The following GGNBP2 variants were observed in gnomAD, a reference collection of about 807,000 sequenced individuals.
GGNBP2 encodes the protein gametogenetin binding protein 2.
GGNBP2 carries 10 observed loss-of-function variants against 85.9 expected under a neutral mutation model. The ratio of observed to expected loss-of-function variants is 0.12; its 90% CI spans 0.07 to 0.20. The LOEUF is 0.20. Ranked by LOEUF, GGNBP2 falls within the 10% of genes least tolerant of loss-of-function variation. The pLI, the probability that GGNBP2 is intolerant of heterozygous loss-of-function variation, is 1.00. For missense variants in GGNBP2, 595 were observed against 857.8 expected (o/e 0.69, Z 3.83); for synonymous variants, 287 against 285.7 (o/e 1.00, Z -0.05).
Position 36,578,109 on chromosome 17 carries a change from A to G in GGNBP2, c.768A>G (p.Glu256=). The G allele has an allele frequency of 6.2e-7, 1 of 1,614,172 alleles. No homozygotes were observed. The highest frequency in any genetic ancestry group is 2.2e-5 in the East Asian group (1 of 44,884). The stretch of plus-strand genomic sequence containing the variant: ...AAGGCTTGCGGTGCTGTCCACATGA[A>G]CGACACATACATGTTTGCTGTGAAA... ...LYEGLRCCPH[E]RHIHVCCETD... is the part of the protein sequence containing the mutation. Residue 256 remains glutamate (E), a synonymous_variant, in exon 7 of 14, where the codon GAA becomes GAG. Coordinates refer to ENST00000613102, the MANE Select transcript of GGNBP2 (RefSeq NM_024835.5).
At chr17:36,565,864 C>T (rs1192563044) in intron 5 of GGNBP2, among the ~76,000 whole-genome samples, 1 of 152,112 alleles carries the variant, frequency 6.6e-6, no homozygotes, top group Non-Finnish European at 1.5e-5. Flanking sequence ...CCACTGCACT[C>T]CAGCTTGGGC....
intron 4 of GGNBP2, among the ~76,000 whole-genome samples, chr17:36,559,296 C>CAAAAAAAAAAAAA (rs892895973): frequency 3.2e-5 from 1 of 31,498 alleles, no homozygotes; most frequent in Non-Finnish European, 7.1e-5. Context: ...GACTCTGTCT[C>CAAAAAAAAAAAAA]AAAAAAAAAA....
At chr17:36,572,380 G>T (rs1162016262) in intron 6 of GGNBP2, among the ~76,000 whole-genome samples, 1 of 152,014 alleles carries the variant, frequency 6.6e-6, no homozygotes, top group Non-Finnish European at 1.5e-5. Context: ...GTTCCTGCGC[G>T]CGTATGTGTA....
At chr17:36,573,899 ATCT>A (rs1259700057) in intron 6 of GGNBP2, among the ~76,000 whole-genome samples, 3 of 151,400 alleles carry the variant, frequency 2.0e-5, no homozygotes, top group African/African-American at 4.9e-5. Context: ...TTTTGACAGG[ATCT>A]TCTTTGTTGC....
Position 36,554,913 on chromosome 17 carries a change from T to G in GGNBP2, c.174+13T>G. ...GCAGTTCATTCAGGTAATAGTTTTTTCAATCAGTGTTTTTAATGGTGTATG... is the reference window on the plus strand; with the variant it reads ...GCAGTTCATTCAGGTAATAGTTTTTGCAATCAGTGTTTTTAATGGTGTATG... On this transcript the variant is annotated intron_variant, in intron 3 of 13. Coordinates refer to ENST00000613102, the MANE Select transcript of GGNBP2 (RefSeq NM_024835.5). 1 of 1,497,846 alleles carries G rather than the reference T, an allele frequency of 6.7e-7. No individual in the cohort carries two copies. The highest frequency in any genetic ancestry group is 1.7e-5 in the Admixed American group (1 of 59,796). 92.8% of individuals were successfully genotyped at this position (1,497,846 alleles called of 1,614,324 possible).
chr17:36,578,267 C>A, intron 7 of GGNBP2, 81 bp downstream of exon 7: 1 of 1,045,698 alleles, frequency 9.6e-7, no homozygotes, highest in Non-Finnish European at 1.4e-6. Flanking sequence ...TCATCACCTT[C>A]TGCCTCAGTA....
Position 36,587,176 on chromosome 17 carries a change from T to A in GGNBP2, c.1821T>A (p.Phe607Leu), listed in dbSNP as rs2074710741. The change falls in exon 13 of 14, where the codon TTT (phenylalanine) becomes TTA (leucine). Residue 607 changes from phenylalanine to leucine, a missense_variant. Coordinates refer to ENST00000613102, the MANE Select transcript of GGNBP2 (RefSeq NM_024835.5). ...AGCATAGGAAAAATGTACCACAGTT[T>A]GCAGAACCTACAGAAACGTTGTTTG... ...WFEHRKNVPQ[F>L]AEPTETLFGP... is the part of the protein sequence containing the mutation. 1.2e-6 allele frequency: 2 copies of A among 1,614,022 alleles called. No homozygotes were observed.
Position 36,545,798 on chromosome 17 carries a change from A to G in GGNBP2, c.74A>G (p.Tyr25Cys), listed in dbSNP as rs575661510. The change falls in exon 2 of 14, where the codon TAC (tyrosine) becomes TGC (cysteine). Residue 25 changes from tyrosine (Y) to cysteine (C), a missense_variant. Transcript: ENST00000613102. ...FPFERRQIPL[Y>C]IDDTLTMVME... ...TTCGAGAGGAGGCAGATTCCCCTCTACATAGACGACACCCTGACGGTGAGC... is the reference window on the plus strand; with the variant it reads ...TTCGAGAGGAGGCAGATTCCCCTCTGCATAGACGACACCCTGACGGTGAGC... The G allele has an allele frequency of 1.7e-5, 26 of 1,567,640 alleles. No homozygotes were observed. The Admixed American group carries it at 2.8e-4, about 17-fold the overall frequency.
chr17:36,549,655 A>T (rs1266591714), intron 2 of GGNBP2, among the ~76,000 whole-genome samples: 1 of 152,150 alleles, frequency 6.6e-6, no homozygotes, highest in Admixed American at 6.5e-5. Flanking sequence ...GTCCTTATTT[A>T]TTTCACTAAA....
intron 12 of GGNBP2, chr17:36,586,790 T>C (rs2074705902): frequency 2.0e-6 from 1 of 490,410 alleles, no homozygotes; most frequent in Non-Finnish European, 3.6e-6. Context: ...GGCTAATTTT[T>C]GCATTTTTAG....
chr17:36,572,618 A>G (rs1313881374), intron 6 of GGNBP2, among the ~76,000 whole-genome samples: 1 of 151,988 alleles, frequency 6.6e-6, no homozygotes, highest in African/African-American at 2.4e-5. Flanking sequence ...TGAGCCTACT[A>G]GGGAGGTTGA....
chr17:36,555,358 A>G (rs2074351831), intron 3 of GGNBP2, among the ~76,000 whole-genome samples: 1 of 152,174 alleles, frequency 6.6e-6, no homozygotes, highest in Non-Finnish European at 1.5e-5. Flanking sequence ...GGATAGTTCA[A>G]GGATCCCTAG....
At chr17:36,562,583 C>T (rs1484936487) in intron 5 of GGNBP2, among the ~76,000 whole-genome samples, 3 of 150,182 alleles carry the variant, frequency 2.0e-5, no homozygotes, top group South Asian at 4.2e-4. Flanking sequence ...ACATTTTCCT[C>T]CCTGACACAA....
intron 6 of GGNBP2, among the ~76,000 whole-genome samples, chr17:36,570,561 G>T (rs1233886287): frequency 6.6e-6 from 1 of 152,072 alleles, no homozygotes; most frequent in African/African-American, 2.4e-5. Flanking sequence ...TTAGCTGGGC[G>T]TGGTGGTGGG....
chr17:36,564,892 A>G (rs962874564), intron 5 of GGNBP2, among the ~76,000 whole-genome samples: 5 of 152,198 alleles, frequency 3.3e-5, no homozygotes, highest in African/African-American at 7.2e-5. Flanking sequence ...CATCTATGCA[A>G]GTAAACCCAG....
intron 2 of GGNBP2, among the ~76,000 whole-genome samples, chr17:36,550,808 T>C (rs972411844): frequency 2.0e-5 from 3 of 152,240 alleles, no homozygotes; most frequent in Non-Finnish European, 4.4e-5. Flanking sequence ...TGAAATACTT[T>C]ACAGGACTGT....
intron 6 of GGNBP2, chr17:36,574,526 T>C: frequency 2.6e-6 from 1 of 381,902 alleles, no homozygotes; most frequent in African/African-American, 2.1e-5. Flanking sequence ...CTTGACGAGA[T>C]GGTCAGTGAA....
chr17:36,573,065 CATTA>C (rs1389108283), intron 6 of GGNBP2, among the ~76,000 whole-genome samples: 2 of 152,030 alleles, frequency 1.3e-5, no homozygotes, highest in Non-Finnish European at 2.9e-5. Flanking sequence ...AATACTGTGA[CATTA>C]TTTAAAAATG....
intron 9 of GGNBP2, among the ~76,000 whole-genome samples, chr17:36,583,881 A>G (rs922176440): frequency 2.6e-5 from 4 of 152,212 alleles, no homozygotes; most frequent in Admixed American, 1.3e-4. Flanking sequence ...CACCTTATCA[A>G]TGACCTTTTT....
Sources: allele counts gnomAD v4.1 joint callset (sites outside exome capture counted in the v4.1 genomes callset), GRCh38; gene constraint gnomAD v4.1.1; transcripts MANE v1.5; gene names NCBI Gene and HGNC (gene_info 2026-07-23, HGNC 2026-07-21).